SGCZ: variants seen among roughly 807,000 people sequenced by gnomAD.
SGCZ encodes zeta-sarcoglycan.
In SGCZ, 40 loss-of-function variants were observed where a neutral mutation model predicts 41.3. That is an observed-to-expected ratio of 0.97 (90% CI 0.75 to 1.26). The LOEUF (loss-of-function observed/expected upper bound fraction) is 1.26, where lower values mean the gene tolerates loss of function less well. Among genes scored for constraint, SGCZ ranks in the 50% most tolerant of loss-of-function variants. SGCZ has a pLI of 0.00. For synonymous variants in SGCZ, 206 were observed against 137.5 expected, an observed-to-expected ratio of 1.50 and a Z score of -3.49; for missense variants, 552 against 369.8, an observed-to-expected ratio of 1.49 and a Z score of -4.04.
At chr8:14,864,557 C>A (rs1023858259) in intron 1 of SGCZ, among the ~76,000 whole-genome samples, 1 of 152,030 alleles carries the variant, frequency 6.6e-6, no homozygotes, top group South Asian at 2.1e-4. Context: ...CTTGTATTCA[C>A]AAACAAATCA....
chr8:14,796,879 T>C (rs1801150617), intron 1 of SGCZ, among the ~76,000 whole-genome samples: 2 of 152,196 alleles, frequency 1.3e-5, no homozygotes, highest in Admixed American at 1.3e-4. Context: ...CTGATGGTTT[T>C]ATAAGGGGAT....
At chr8:14,654,899 T>C (rs1807512928) in intron 1 of SGCZ, among the ~76,000 whole-genome samples, 1 of 152,000 alleles carries the variant, frequency 6.6e-6, no homozygotes, top group African/African-American at 2.4e-5. Flanking sequence ...ACTCCTGACC[T>C]TGTGATCTAT....
chr8:14,783,684 T>C (rs1247453113), intron 1 of SGCZ, among the ~76,000 whole-genome samples: 2 of 152,200 alleles, frequency 1.3e-5, no homozygotes, highest in African/African-American at 4.8e-5. Context: ...TGACTAAATT[T>C]CAGTGATCAG....
intron 2 of SGCZ, among the ~76,000 whole-genome samples, chr8:14,433,529 T>C (rs999008697): frequency 2.6e-5 from 4 of 152,152 alleles, no homozygotes; most frequent in Admixed American, 6.5e-5. Context: ...CAGGTAGAAA[T>C]GTAACTTACA....
chr8:15,050,301 T>A (rs1381855077), intron 1 of SGCZ, among the ~76,000 whole-genome samples: 1 of 152,184 alleles, frequency 6.6e-6, no homozygotes. Context: ...ATATCAAAGA[T>A]ACATGAACTT....
At chr8:14,304,421 T>C (rs1164865484) in intron 3 of SGCZ, among the ~76,000 whole-genome samples, 1 of 151,966 alleles carries the variant, frequency 6.6e-6, no homozygotes, top group African/African-American at 2.4e-5. Flanking sequence ...CAGTAAAACT[T>C]TGTCTCTACA....
chr8:14,502,930 T>A (rs1802197342), intron 2 of SGCZ, among the ~76,000 whole-genome samples: 1 of 152,092 alleles, frequency 6.6e-6, no homozygotes, highest in South Asian at 2.1e-4. Flanking sequence ...TTTGACCGAG[T>A]AATCTCGTTA....
intron 3 of SGCZ, among the ~76,000 whole-genome samples, chr8:14,249,744 G>A (rs1445168368): frequency 6.6e-6 from 1 of 152,078 alleles, no homozygotes; most frequent in Non-Finnish European, 1.5e-5. Context: ...AATGTGGGGT[G>A]GGGGGAATAT....
At chr8:14,483,547 G>C (rs897477196) in intron 2 of SGCZ, among the ~76,000 whole-genome samples, 1 of 152,152 alleles carries the variant, frequency 6.6e-6, no homozygotes, top group African/African-American at 2.4e-5. Flanking sequence ...TTCCAGGCTA[G>C]GCAACAGAGT....
chr8:14,528,832 A>AAAAC, intron 2 of SGCZ, among the ~76,000 whole-genome samples: 1 of 97,620 alleles, frequency 1.0e-5, no homozygotes, highest in African/African-American at 4.1e-5. Context: ...CCAGCCAAAA[A>AAAAC]AAAAACAAAA....
rs746459553 is a variant in SGCZ, at chr8:14,704,791, C to CA, written c.40-149866dup. On this transcript the variant is annotated intron_variant, in intron 1 of 7. Coordinates refer to ENST00000382080, the MANE Select transcript of SGCZ (RefSeq NM_139167.4). ...TCCTTCTACTCCTCTTTAAAAAACA[C>CA]AAAAAAACAAACAACAACAACAACA... 3.0e-4 allele frequency among the ~76,000 whole-genome samples: 46 copies of CA among 151,562 alleles called. No individual in the cohort carries two copies. The Middle Eastern group carries it at 0.01, about 34-fold the overall frequency.
At chr8:14,956,169 A>G (rs2130844224) in intron 1 of SGCZ, among the ~76,000 whole-genome samples, 1 of 151,354 alleles carries the variant, frequency 6.6e-6, no homozygotes, top group East Asian at 2.0e-4. Context: ...ACTCCCGAGT[A>G]TCTGGGACTA....
At chr8:14,727,196 TA>T (rs1810083280) in intron 1 of SGCZ, among the ~76,000 whole-genome samples, 3 of 152,044 alleles carry the variant, frequency 2.0e-5, no homozygotes, top group Admixed American at 6.6e-5. Context: ...AGAAGACATA[TA>T]AATAGTCAAT....
chr8:14,234,803 A>G (rs1365106946), intron 4 of SGCZ, among the ~76,000 whole-genome samples: 2 of 152,152 alleles, frequency 1.3e-5, no homozygotes, highest in South Asian at 2.1e-4. Context: ...TTCAAACTCT[A>G]CATAAAGGTA....
At chr8:14,586,492 C>A (rs1366877922) in intron 1 of SGCZ, among the ~76,000 whole-genome samples, 3 of 152,298 alleles carry the variant, frequency 2.0e-5, no homozygotes, top group Non-Finnish European at 4.4e-5. Context: ...GGATTGCAGG[C>A]ATTAGCCACC....
In SGCZ at chr8:14,611,604, A is replaced by C. The variant is rs139777991; in HGVS notation, c.40-56678T>G. 5.3e-3 allele frequency among the ~76,000 whole-genome samples: 806 copies of C among 152,308 alleles called. 5 individuals carry two copies. The highest frequency in any genetic ancestry group is 0.027 in the Middle Eastern group (8 of 294). On this transcript the variant is annotated intron_variant, in intron 1 of 7. Transcript: ENST00000382080. Reference sequence around the variant, plus strand: ...TGCTGGAAAACATTTTCAGTGTAACATTCCTTCAAATGCAAATGGAACATT... The same window carrying C: ...TGCTGGAAAACATTTTCAGTGTAACCTTCCTTCAAATGCAAATGGAACATT...
At chr8:14,394,385 G>T (rs1040916233) in intron 2 of SGCZ, among the ~76,000 whole-genome samples, 4 of 151,932 alleles carry the variant, frequency 2.6e-5, no homozygotes, top group Non-Finnish European at 4.4e-5. Context: ...TCCTGACCTC[G>T]TGATCCACCC....
At chr8:14,257,248 T>G (rs1310582290) in intron 3 of SGCZ, among the ~76,000 whole-genome samples, 1 of 151,934 alleles carries the variant, frequency 6.6e-6, no homozygotes, top group Non-Finnish European at 1.5e-5. Flanking sequence ...GATCACTTGC[T>G]TGATCCCAGG....
chr8:14,421,383 C>T (rs1460779320), intron 2 of SGCZ, among the ~76,000 whole-genome samples: 1 of 152,076 alleles, frequency 6.6e-6, no homozygotes, highest in Non-Finnish European at 1.5e-5. Flanking sequence ...AGAAGAATCA[C>T]TGTTTTTGTA....
Sources: allele counts gnomAD v4.1 joint callset (sites outside exome capture counted in the v4.1 genomes callset), GRCh38; gene constraint gnomAD v4.1.1; transcripts MANE v1.5; gene names NCBI Gene and HGNC (gene_info 2026-07-23, HGNC 2026-07-21).